Variants in CYREN observed in about 807,000 individuals in gnomAD.
The protein encoded by CYREN is cell cycle regulator of non-homologous end joining.
Under a neutral mutation model 9.7 loss-of-function variants are expected in CYREN, and 7 were observed. The observed-to-expected ratio is 0.72, with a 90% confidence interval of 0.41 to 1.36. CYREN has a LOEUF of 1.36. CYREN is among the 40% of genes most tolerant of loss of function. CYREN has a pLI of 0.01. For missense variants in CYREN, 215 were observed against 198.1 expected (o/e 1.09, Z -0.51); for synonymous variants, 76 against 77.9 (o/e 0.98, Z 0.13).
At chr7:135,160,726 T>G (rs1284736615) in intron 2 of CYREN, among the ~76,000 whole-genome samples, 4 of 132,348 alleles carry the variant, frequency 3.0e-5, no homozygotes, top group Admixed American at 8.1e-5. Flanking sequence ...GCATTTTCAT[T>G]CGCTCATTTA....
intron 2 of CYREN, among the ~76,000 whole-genome samples, chr7:135,139,416 CTT>C (rs200823046): frequency 6.9e-6 from 1 of 143,996 alleles, no homozygotes; most frequent in African/African-American, 2.5e-5. Flanking sequence ...GTCCTTTGCC[CTT>C]TTTTTTTTAA....
chr7:135,133,645 G>A (rs551009677), intron 2 of CYREN, among the ~76,000 whole-genome samples: 1 of 152,162 alleles, frequency 6.6e-6, no homozygotes, highest in South Asian at 2.1e-4. Context: ...GATTTTGATA[G>A]GGAATTCAAA....
intron 2 of CYREN, among the ~76,000 whole-genome samples, chr7:135,144,938 TAAAAAAAAAAAA>T (rs58443282): frequency 4.6e-3 from 212 of 45,634 alleles, no homozygotes; most frequent in African/African-American, 0.018. Flanking sequence ...CTCAAAAGAG[TAAAAAAAAAAAA>T]AAAAAAAAAA....
At chr7:135,167,872 C>T in intron 2 of CYREN, 65 bp from the exon 3 acceptor site, 1 of 1,608,168 alleles carries the variant, frequency 6.2e-7, no homozygotes, top group Non-Finnish European at 8.5e-7. Flanking sequence ...GCAAAGAGAA[C>T]AGGAGAAGCA....
chr7:135,158,106 A>G (rs6975888), intron 2 of CYREN, among the ~76,000 whole-genome samples: 2,121 of 152,272 alleles, frequency 0.014, 47 homozygotes, highest in African/African-American at 0.048. Context: ...AGTTGAACTC[A>G]GCAAGAAGGT....
intron 2 of CYREN, among the ~76,000 whole-genome samples, chr7:135,156,034 T>G (rs923012068): frequency 2.5e-5 from 1 of 40,712 alleles, no homozygotes; most frequent in Non-Finnish European, 6.4e-5. Flanking sequence ...GACACACTGT[T>G]TTTTTTTTTC....
At chr7:135,153,654 C>T (rs1357040042) in intron 2 of CYREN, among the ~76,000 whole-genome samples, 1 of 152,144 alleles carries the variant, frequency 6.6e-6, no homozygotes, top group Non-Finnish European at 1.5e-5. Context: ...TATTGATTTG[C>T]ATATGTTGAA....
At chr7:135,146,937 T>C (rs1285524923) in intron 2 of CYREN, among the ~76,000 whole-genome samples, 1 of 152,228 alleles carries the variant, frequency 6.6e-6, no homozygotes, top group Non-Finnish European at 1.5e-5. Context: ...TTCTATCTCT[T>C]CTATATCACT....
intron 2 of CYREN, chr7:135,129,204 T>G: frequency 1.4e-6 from 2 of 1,426,504 alleles, no homozygotes; most frequent in Non-Finnish European, 9.9e-7. Flanking sequence ...CCCCCACGCA[T>G]GCTGCCAGCT....
intron 2 of CYREN, among the ~76,000 whole-genome samples, chr7:135,152,438 G>A (rs532073855): frequency 2.0e-5 from 3 of 152,362 alleles, no homozygotes; most frequent in South Asian, 4.1e-4. Flanking sequence ...ATCATTCACT[G>A]GCTGTGTGAA....
At chr7:135,121,594 C>T (rs1024364372) in intron 2 of CYREN, among the ~76,000 whole-genome samples, 1 of 150,640 alleles carries the variant, frequency 6.6e-6, no homozygotes, top group Non-Finnish European at 1.5e-5. Flanking sequence ...CTAAATAACA[C>T]ACTTCTGAAT....
intron 2 of CYREN, chr7:135,147,777 T>C (rs1829576140): frequency 6.6e-6 from 3 of 456,114 alleles, no homozygotes; most frequent in Non-Finnish European, 1.3e-5. Context: ...GATGGGTTTC[T>C]TCTGAATAAA....
downstream of CYREN, among the ~76,000 whole-genome samples, chr7:135,162,347 C>A (rs1829964573): frequency 6.6e-6 from 1 of 152,240 alleles, no homozygotes; most frequent in African/African-American, 2.4e-5. Context: ...CATTTGGTAT[C>A]ATGGCCCCAG....
At chr7:135,112,930 C>A (rs1037766259) in intron 2 of CYREN, among the ~76,000 whole-genome samples, 2 of 152,078 alleles carry the variant, frequency 1.3e-5, no homozygotes, top group African/African-American at 4.8e-5. Flanking sequence ...GAACTCGCCA[C>A]CATGCCGACT....
At chr7:135,170,338 G>T (rs1162342803) in intron 1 of CYREN, 1 of 152,402 alleles carries the variant, frequency 6.6e-6, no homozygotes, top group South Asian at 2.1e-4. Context: ...AACGCGATGT[G>T]CTGCCAGTTC....
At chr7:135,155,483 G>T (rs1829767788) in intron 2 of CYREN, among the ~76,000 whole-genome samples, 1 of 152,086 alleles carries the variant, frequency 6.6e-6, no homozygotes. Context: ...TTGTATGATT[G>T]TTTTATACAA....
chr7:135,094,461 A>T (rs1375762605), exon 3 of CYREN: 1 of 456,560 alleles, frequency 2.2e-6, no homozygotes, highest in African/African-American at 2.0e-5. Context: ...CTGAGTGCGC[A>T]CTAGCTTGAA....
chr7:135,099,524 A>G (rs1319178175), intron 2 of CYREN, among the ~76,000 whole-genome samples: 1 of 152,136 alleles, frequency 6.6e-6, no homozygotes, highest in Non-Finnish European at 1.5e-5. Context: ...TCTCTTTTTT[A>G]GTGAAAATAC....
chr7:135,147,369 A>C (rs1829567167), intron 2 of CYREN, among the ~76,000 whole-genome samples: 1 of 152,208 alleles, frequency 6.6e-6, no homozygotes, highest in South Asian at 2.1e-4. Context: ...GCAAGGAAGC[A>C]GAAGAGAACC....
Sources: gnomAD v4.1 joint callset for allele counts (sites outside exome capture counted in the v4.1 genomes callset) on GRCh38, gnomAD v4.1.1 for gene constraint, MANE v1.5 for transcripts, NCBI Gene and HGNC (gene_info 2026-07-23, HGNC 2026-07-21) for gene names.